LRP1: variants seen among roughly 807,000 people sequenced by gnomAD.
LRP1 encodes the protein LDL receptor related protein 1.
LRP1 carries 51 observed loss-of-function variants against 541.5 expected under a neutral mutation model. That is an observed-to-expected ratio of 0.09 (90% confidence interval 0.08 to 0.12). The LOEUF (loss-of-function observed/expected upper bound fraction) is 0.12. Ranked by LOEUF, LRP1 falls within the 10% of genes least tolerant of loss-of-function variation. The pLI is 1.00. For missense variants in LRP1, 3,878 were observed against 6,376.2 expected, an observed-to-expected ratio of 0.61 and a Z score of 13.34; for synonymous variants, 2,219 against 2,470.8, an observed-to-expected ratio of 0.90 and a Z score of 3.02.
chr12:57,161,089 A>C lies in LRP1; in HGVS notation c.2176A>C (p.Ile726Leu). The change falls in exon 13 of 89, where the codon ATA becomes CTA. Residue 726 changes from isoleucine (I) to leucine (L), a missense_variant. Physicochemically the swap from Ile to Leu is conservative, Grantham distance 5. Transcript: ENST00000243077. Reference protein sequence around the residue: ...VDAFYDRIETILLNGTDRKIV... With the variant: ...VDAFYDRIETLLLNGTDRKIV... ...TGCCTTCTACGACCGCATCGAGACG[A>C]TACTGCTCAATGGCACAGACCGGAA... 6.2e-7 allele frequency: 1 copy of C among 1,613,490 alleles called. No individual in the cohort carries two copies. The highest frequency in any genetic ancestry group is 1.1e-5 in the South Asian group (1 of 91,076).
chr12:57,141,296 C>G, intron 2 of LRP1, 78 bp from the exon 3 acceptor site: 3 of 1,559,844 alleles, frequency 1.9e-6, no homozygotes, highest in Non-Finnish European at 2.6e-6. Context: ...GTTTTATCTC[C>G]CCTCATCCCC....
intron 20 of LRP1, among the ~76,000 whole-genome samples, chr12:57,172,231 C>T (rs550581878): frequency 4.2e-4 from 64 of 151,544 alleles, no homozygotes; most frequent in Non-Finnish European, 8.0e-4. Flanking sequence ...AGTGCAGTGG[C>T]GCAATCTCAG....
Position 57,199,883 on chromosome 12 carries a change from A to G in LRP1, c.9872A>G (p.Asn3291Ser). The G allele has an allele frequency of 6.3e-7, 1 of 1,584,944 alleles. No individual in the cohort carries two copies. The highest frequency in any genetic ancestry group is 1.2e-5 in the South Asian group (1 of 86,618). ...FHALRQPDVP[N>S]HPCKVNNGGC... ...ACGACGTTTTCTCTGGCAGTGCCCA[A>G]TCACCCCTGCAAGGTCAACAATGGT... The change falls in exon 62 of 89, where the codon AAT becomes AGT. Residue 3291 changes from asparagine (N) to serine (S), a missense_variant. By Grantham distance (46) the Asn-to-Ser change is conservative. Around this residue, in one of 13 missense-constraint regions of LRP1, gnomAD observed 1,100 missense variants for 1,827.4 expected, o/e 0.60. Coordinates refer to ENST00000243077, the MANE Select transcript of LRP1 (RefSeq NM_002332.3).
chr12:57,191,880 A>C (rs2036401165), intron 44 of LRP1, among the ~76,000 whole-genome samples: 1 of 83,992 alleles, frequency 1.2e-5, no homozygotes, highest in Non-Finnish European at 2.3e-5. Flanking sequence ...CACATACCAC[A>C]CACACCCCAC....
intron 6 of LRP1, chr12:57,149,362 C>G (rs1489174250): frequency 4.1e-6 from 2 of 489,620 alleles, no homozygotes; most frequent in African/African-American, 2.0e-5. Flanking sequence ...TGCTCCTCCT[C>G]TCTCCTGGCC....
At chr12:57,169,974 T>A (rs2035914504) in intron 20 of LRP1, among the ~76,000 whole-genome samples, 1 of 152,230 alleles carries the variant, frequency 6.6e-6, no homozygotes, top group Non-Finnish European at 1.5e-5. Context: ...GTTTCTCTCG[T>A]CTCACAGTTC....
chr12:57,168,914 G>A (rs1206629794), intron 19 of LRP1, among the ~76,000 whole-genome samples: 1 of 152,174 alleles, frequency 6.6e-6, no homozygotes, highest in Non-Finnish European at 1.5e-5. Flanking sequence ...GAGCTTCAGT[G>A]AGGGGCCCTC....
In LRP1 at chr12:57,198,579, G is replaced by T; in HGVS notation, c.9585G>T (p.Thr3195=). 6.2e-7 allele frequency: 1 copy of T among 1,613,888 alleles called. No individual in the cohort carries two copies. Among genetic ancestry groups the T allele is most frequent in the Non-Finnish European group, 8.5e-7 (1 of 1,179,972 alleles). The stretch of plus-strand genomic sequence containing the variant: ...AGATCACATGGCCCAATGGCCTGAC[G>T]CTGGACTATGTCACTGAGCGCATCT... ...DTKITWPNGL[T]LDYVTERIYW... is the part of the protein sequence containing the mutation. The change falls in exon 60 of 89, where the codon ACG becomes ACT. Residue 3195 remains threonine (T), a synonymous_variant. Coordinates refer to ENST00000243077, the MANE Select transcript of LRP1 (RefSeq NM_002332.3).
chr12:57,211,950 C>CTGCTGT lies in LRP1; in HGVS notation c.13288_13293dup (p.Leu4433_Leu4434dup), dbSNP rs773789843. 2 of 1,614,170 alleles carry CTGCTGT rather than the reference C, an allele frequency of 1.2e-6. No individual in the cohort carries two copies. The highest frequency in any genetic ancestry group is 1.7e-6 in the Non-Finnish European group (2 of 1,180,024). ...AGATATAGCCTCCATCCTAATCCCT[C>CTGCTGT]TGCTGTTGCTGCTGCTGCTGGTTCT... On this transcript the variant is annotated inframe_insertion, in exon 87 of 89. Coordinates refer to ENST00000243077, the MANE Select transcript of LRP1 (RefSeq NM_002332.3). This position sits in a 1 kb window ranked among gnomAD's most constrained non-coding sequence, Gnocchi z 4.3.
chr12:57,206,804 G>C lies in LRP1; in HGVS notation c.11859+63G>C. 2 of 1,572,920 alleles carry C rather than the reference G, an allele frequency of 1.3e-6. No individual in the cohort carries two copies. The highest frequency in any genetic ancestry group is 1.7e-6 in the Non-Finnish European group (2 of 1,161,044). ...TCCATAGAGCAGGCGGTTCAGAGCA[G>C]GATTTGAAAAGGGCAGTGCTGGCTA... On this transcript the variant is annotated intron_variant, in intron 76 of 88. Coordinates refer to ENST00000243077, the MANE Select transcript of LRP1 (RefSeq NM_002332.3). The surrounding 1 kb of genome is among the most constrained non-coding windows in gnomAD (Gnocchi z 4.7).
At chr12:57,199,518 C>A in intron 61 of LRP1, 118 bp downstream of exon 61, 1 of 1,138,690 alleles carries the variant, frequency 8.8e-7, no homozygotes, top group Non-Finnish European at 1.2e-6. Context: ...CACTGGGAGA[C>A]TCCAGGAGGG....
chr12:57,191,121 G>A, intron 43 of LRP1, 112 bp downstream of exon 43: 1 of 1,232,118 alleles, frequency 8.1e-7, no homozygotes, highest in Non-Finnish European at 1.1e-6. Flanking sequence ...GCTGGGAGGA[G>A]GTGAGTGCCT....
chr12:57,186,670 C>A (rs1250611416), intron 41 of LRP1, among the ~76,000 whole-genome samples: 1 of 152,222 alleles, frequency 6.6e-6, no homozygotes, highest in African/African-American at 2.4e-5. Context: ...GTAGCTTGAT[C>A]AGGAGAGACT....
intron 6 of LRP1, chr12:57,149,082 G>A (rs2035475212): frequency 5.7e-6 from 3 of 529,314 alleles, no homozygotes; most frequent in African/African-American, 3.9e-5. Context: ...TAATGAACTG[G>A]CTGCTGCTGC....
Position 57,177,708 on chromosome 12 carries a change from T to G in LRP1, c.4361+117T>G. ...CCAAGGGATCTAGAACTAGGAACGG[T>G]GGCAAAGGACTGGGCACAGGAGGAG... On this transcript the variant is annotated intron_variant, in intron 26 of 88. Coordinates refer to ENST00000243077, the MANE Select transcript of LRP1 (RefSeq NM_002332.3). The surrounding 1 kb of genome is among the most constrained non-coding windows in gnomAD (Gnocchi z 6.8). The G allele has an allele frequency of 1.4e-5, 18 of 1,245,108 alleles. No individual in the cohort carries two copies. The highest frequency in any genetic ancestry group is 1.9e-5 in the Non-Finnish European group (17 of 895,634). 77.1% of individuals were successfully genotyped at this position (1,245,108 alleles called of 1,614,324 possible).
chr12:57,202,803 C>T (rs889592247), intron 68 of LRP1: 15 of 584,414 alleles, frequency 2.6e-5, no homozygotes, highest in Non-Finnish European at 4.6e-5. Context: ...ACCATACCCC[C>T]ACCTCTGTCC....
intron 6 of LRP1, among the ~76,000 whole-genome samples, chr12:57,147,897 C>G (rs2035445554): frequency 1.3e-5 from 2 of 152,186 alleles, no homozygotes; most frequent in African/African-American, 4.8e-5. Flanking sequence ...CCTCCTGCCT[C>G]AGGCCCAGTG....
In LRP1 at chr12:57,175,993, T is replaced by C. The variant is rs1293032389; in HGVS notation, c.3878T>C (p.Val1293Ala). Residue 1293 changes from valine (V) to alanine (A), a missense_variant, in exon 24 of 89, where the codon GTG becomes GCG. Around this residue, in one of 13 missense-constraint regions of LRP1, gnomAD observed 320 missense variants for 547.9 expected, o/e 0.58. Transcript: ENST00000243077. Reference protein sequence around the residue: ...DLHKGDYSVLVPGLRNTIALD... With the variant: ...DLHKGDYSVLAPGLRNTIALD... ...CACAAAGGAGACTACAGCGTCCTGG[T>C]GCCCGGCCTGCGCAACACCATCGCC... 1 of 1,614,248 alleles carries C rather than the reference T, an allele frequency of 6.2e-7. No homozygotes were observed. Among genetic ancestry groups the C allele is most frequent in the Non-Finnish European group, 8.5e-7 (1 of 1,180,044 alleles).
At chr12:57,192,764 CA>C in intron 44 of LRP1, 80 bp from the exon 45 acceptor site, 2 of 1,576,212 alleles carry the variant, frequency 1.3e-6, no homozygotes, top group South Asian at 2.2e-5. Context: ...TCCATGAAGT[CA>C]GTGAATGGGT....
Sources: allele counts gnomAD v4.1 joint callset (sites outside exome capture counted in the v4.1 genomes callset), GRCh38; gene constraint gnomAD v4.1.1; regional missense constraint gnomAD v4.1.1; non-coding constraint Gnocchi (gnomAD v3.1); transcripts MANE v1.5; gene names NCBI Gene and HGNC (gene_info 2026-07-23, HGNC 2026-07-21).